The following LINGO1 variants were observed in gnomAD, a reference collection of about 807,000 sequenced individuals.
LINGO1 encodes the protein leucine-rich repeat and immunoglobulin-like domain-containing nogo receptor-interacting protein 1.
In LINGO1, 11 loss-of-function variants were observed where a neutral mutation model predicts 37.3. The observed-to-expected ratio is 0.29, with a 90% CI of 0.19 to 0.49. LINGO1 has a LOEUF of 0.49. Among genes scored for constraint, LINGO1 ranks in the 20% least tolerant of loss-of-function variants. The probability of loss-of-function intolerance (pLI) is 0.99; values close to 1 mark genes in which losing one functional copy is unlikely to be tolerated. For missense variants in LINGO1, 585 were observed against 878.2 expected (o/e 0.67, Z 4.22); for synonymous variants, 387 against 403.0 (o/e 0.96, Z 0.48).
upstream of LINGO1, among the ~76,000 whole-genome samples, chr15:77,633,994 T>A (rs1288817770): frequency 1.3e-5 from 2 of 152,078 alleles, no homozygotes; most frequent in East Asian, 3.8e-4. Flanking sequence ...GGCACGGCCA[T>A]CCCTCCTCCC....
At chr15:77,747,920 C>T (rs140641706) in intron 1 of LINGO1, among the ~76,000 whole-genome samples, 11 of 152,324 alleles carry the variant, frequency 7.2e-5, no homozygotes, top group African/African-American at 2.4e-4. Flanking sequence ...GGTGGTACCA[C>T]GTGTGTGCTG....
intron 3 of LINGO1, among the ~76,000 whole-genome samples, chr15:77,676,874 C>G (rs146313491): frequency 6.6e-6 from 1 of 152,308 alleles, no homozygotes; most frequent in South Asian, 2.1e-4. Flanking sequence ...ATGGCTGAGG[C>G]GTGGCCTTCC....
intron 2 of LINGO1, among the ~76,000 whole-genome samples, chr15:77,730,077 G>C (rs3935831): frequency 3.3e-5 from 5 of 151,746 alleles, no homozygotes; most frequent in South Asian, 2.1e-4. Context: ...GGAGCGTTGT[G>C]GGGGGAGTAG....
In LINGO1 at chr15:77,813,482, T is replaced by C. The variant is rs145960610; in HGVS notation, c.-458+6776A>G. On this transcript the variant is annotated intron_variant, in intron 1 of 5. Coordinates refer to the LINGO1 transcript ENST00000562933. ...GTAACAGGGAGTGCTGGGAGGGTGT[T>C]GGGTGAGAGCATGACAGCCAGCCTG... Among the ~76,000 whole-genome samples, 552 of 152,150 alleles carry C rather than the reference T, an allele frequency of 3.6e-3. 3 individuals are homozygous for C. The highest frequency in any genetic ancestry group is 0.012 in the African/African-American group (518 of 41,496).
intron 3 of LINGO1, among the ~76,000 whole-genome samples, chr15:77,670,974 G>A (rs561478117): frequency 6.6e-6 from 1 of 152,320 alleles, no homozygotes; most frequent in Admixed American, 6.5e-5. Flanking sequence ...CACAGCCTTT[G>A]CTCACATAGG....
chr15:77,689,189 G>C lies in LINGO1; in HGVS notation c.-99+1531C>G, dbSNP rs145327214. 2.4e-3 allele frequency among the ~76,000 whole-genome samples: 369 copies of C among 152,322 alleles called. 3 individuals carry two copies. Among genetic ancestry groups the C allele is most frequent in the African/African-American group, 8.4e-3 (348 of 41,556 alleles). The stretch of plus-strand genomic sequence containing the variant: ...GAGAAGCAGCAGAGGTGGAGGGCAA[G>C]TGCAGAGCCTGGGTGTGGAAGAGGT... On this transcript the variant is annotated intron_variant, in intron 2 of 3. Transcript: ENST00000559893.
At chr15:77,645,915 T>TG (rs2074615726) in intron 3 of LINGO1, among the ~76,000 whole-genome samples, 1 of 152,250 alleles carries the variant, frequency 6.6e-6, no homozygotes, top group Non-Finnish European at 1.5e-5. Flanking sequence ...CTCCACTGCC[T>TG]GGGGGTGCCA....
intron 1 of LINGO1, among the ~76,000 whole-genome samples, chr15:77,816,491 T>C (rs1437849973): frequency 6.6e-6 from 1 of 152,160 alleles, no homozygotes; most frequent in African/African-American, 2.4e-5. Context: ...ACTCAATAAA[T>C]TCTTATCACT....
chr15:77,803,394 G>A (rs986019137), intron 1 of LINGO1, among the ~76,000 whole-genome samples: 8 of 151,894 alleles, frequency 5.3e-5, no homozygotes, highest in Non-Finnish European at 8.8e-5. Flanking sequence ...GCTGCAGTGA[G>A]CTAAGACCAC....
At chr15:77,806,592 T>C (rs1480772545) in intron 1 of LINGO1, among the ~76,000 whole-genome samples, 1 of 152,084 alleles carries the variant, frequency 6.6e-6, no homozygotes, top group Non-Finnish European at 1.5e-5. Flanking sequence ...GAGTGGGCTT[T>C]ACAAACTGTA....
At chr15:77,793,786 A>C (rs2076836270) in intron 2 of LINGO1, among the ~76,000 whole-genome samples, 1 of 152,250 alleles carries the variant, frequency 6.6e-6, no homozygotes, top group Non-Finnish European at 1.5e-5. Flanking sequence ...AAGTTAGAAA[A>C]CAGTAAGTAC....
chr15:77,710,576 G>A (rs1368174327), intron 2 of LINGO1, among the ~76,000 whole-genome samples: 7 of 152,334 alleles, frequency 4.6e-5, no homozygotes, highest in East Asian at 1.9e-4. Flanking sequence ...CAGAAACTCC[G>A]TTTTCTGACA....
chr15:77,725,944 C>T (rs113877186), intron 2 of LINGO1, among the ~76,000 whole-genome samples: 2 of 152,344 alleles, frequency 1.3e-5, no homozygotes, highest in African/African-American at 4.8e-5. Context: ...AGTGTTTGAG[C>T]CCAAGTGCAA....
upstream of LINGO1, among the ~76,000 whole-genome samples, chr15:77,789,299 T>C (rs890277147): frequency 1.3e-5 from 2 of 152,200 alleles, no homozygotes; most frequent in African/African-American, 4.8e-5. Context: ...CCAATACGAC[T>C]ATTGTGCCCA....
chr15:77,812,639 A>G (rs1048831419), intron 1 of LINGO1, among the ~76,000 whole-genome samples: 4 of 151,876 alleles, frequency 2.6e-5, no homozygotes, highest in African/African-American at 9.7e-5. Flanking sequence ...ATAAATGGCC[A>G]TGATTGCAAT....
chr15:77,651,866 C>T (rs1320280469), intron 3 of LINGO1: 1 of 152,194 alleles, frequency 6.6e-6, no homozygotes, highest in Non-Finnish European at 1.5e-5. Flanking sequence ...GGGGTTTGGT[C>T]CTCTTAAGGT....
At chr15:77,682,436 G>A (rs1486256356) in intron 2 of LINGO1, among the ~76,000 whole-genome samples, 1 of 151,988 alleles carries the variant, frequency 6.6e-6, no homozygotes, top group Admixed American at 6.6e-5. Flanking sequence ...ATGTGTGCAC[G>A]TATGTGTTCC....
At chr15:77,801,053 C>T (rs1044976769) in intron 1 of LINGO1, among the ~76,000 whole-genome samples, 6 of 152,144 alleles carry the variant, frequency 3.9e-5, no homozygotes, top group African/African-American at 1.2e-4. Flanking sequence ...TGAGCACTCC[C>T]AGACCATTGG....
upstream of LINGO1, chr15:77,820,417 C>T (rs773378011): frequency 1.3e-5 from 2 of 152,352 alleles, no homozygotes; most frequent in Non-Finnish European, 2.9e-5. Flanking sequence ...GAAGGACGGT[C>T]AGACCACGCC....
Sources: gnomAD v4.1 joint callset for allele counts (sites outside exome capture counted in the v4.1 genomes callset) on GRCh38, gnomAD v4.1.1 for gene constraint, MANE v1.5 for transcripts, NCBI Gene and HGNC (gene_info 2026-07-23, HGNC 2026-07-21) for gene names.